Variants in THSD7A observed in about 807,000 individuals in gnomAD.
The protein encoded by THSD7A is thrombospondin type 1 domain containing 7A, also known as thrombospondin type-1 domain-containing protein 7A.
A neutral mutation model predicts 231.3 loss-of-function variants in THSD7A; 96 were observed. The ratio of observed to expected loss-of-function variants is 0.41; its 90% CI spans 0.35 to 0.49. THSD7A has a LOEUF of 0.49. THSD7A is among the 20% of genes least tolerant of loss of function. The pLI is 0.05. For synonymous variants in THSD7A, 940 were observed against 743.3 expected, an observed-to-expected ratio of 1.26 and a Z score of -4.30; for missense variants, 2,290 against 2,070.2, an observed-to-expected ratio of 1.11 and a Z score of -2.06.
chr7:11,389,322 T>A (rs1344113206), intron 23 of THSD7A, among the ~76,000 whole-genome samples: 1 of 151,808 alleles, frequency 6.6e-6, no homozygotes, highest in Non-Finnish European at 1.5e-5. Flanking sequence ...CTGTTCTTGT[T>A]ACATTGATCC....
At chr7:11,552,277 A>G (rs779082593) in intron 4 of THSD7A, among the ~76,000 whole-genome samples, 27 of 152,168 alleles carry the variant, frequency 1.8e-4, no homozygotes, top group Middle Eastern at 6.8e-3. Context: ...CCATTTACCC[A>G]TGTAACAAAC....
intron 1 of THSD7A, among the ~76,000 whole-genome samples, chr7:11,785,794 C>T (rs61577547): frequency 0.039 from 5,975 of 152,190 alleles, 143 homozygotes; most frequent in East Asian, 0.11. Context: ...TACCCTCAAT[C>T]GAGCTTCACA....
intron 2 of THSD7A, among the ~76,000 whole-genome samples, chr7:11,599,197 C>G (rs898480561): frequency 6.6e-6 from 1 of 152,144 alleles, no homozygotes; most frequent in African/African-American, 2.4e-5. Context: ...TTACCATGCC[C>G]TGTGATTAAG....
At chr7:11,605,514 A>T (rs535728162) in intron 2 of THSD7A, among the ~76,000 whole-genome samples, 3 of 152,156 alleles carry the variant, frequency 2.0e-5, no homozygotes, top group Non-Finnish European at 4.4e-5. Context: ...CCCCCGCTCC[A>T]TGCTACAAAT....
In THSD7A at chr7:11,476,079, A is replaced by G. The variant is rs377052798; in HGVS notation, c.2018-1511T>C. On this transcript the variant is annotated intron_variant, in intron 7 of 27. Transcript: ENST00000423059. Reference sequence around the variant, plus strand: ...TTAGGATCTACAATACAGGTTCAAAAAATTGGTAAAGCTAAAAGTCTAACA... The same window carrying G: ...TTAGGATCTACAATACAGGTTCAAAGAATTGGTAAAGCTAAAAGTCTAACA... Among the ~76,000 whole-genome samples the G allele has an allele frequency of 2.0e-4, 30 of 152,020 alleles. No homozygotes were observed. In the South Asian group the frequency reaches 6.2e-3, roughly 32 times the overall value.
chr7:11,583,450 A>AT (rs1171622608), intron 4 of THSD7A, among the ~76,000 whole-genome samples: 3 of 151,606 alleles, frequency 2.0e-5, no homozygotes, highest in Non-Finnish European at 4.4e-5. Flanking sequence ...CAGTTTTTAT[A>AT]TTTTTTTGGT....
intron 23 of THSD7A, among the ~76,000 whole-genome samples, chr7:11,395,261 A>C (rs1242633355): frequency 1.3e-5 from 2 of 152,236 alleles, no homozygotes; most frequent in African/African-American, 2.4e-5. Flanking sequence ...CAATGTAACA[A>C]GAACAGCTAA....
Position 11,444,931 on chromosome 7 carries a change from T to C in THSD7A, c.3064+1130A>G, listed in dbSNP as rs576747654. On this transcript the variant is annotated intron_variant, in intron 13 of 27. Coordinates refer to ENST00000423059, the MANE Select transcript of THSD7A (RefSeq NM_015204.3). The surrounding 1 kb of genome is among the most constrained non-coding windows in gnomAD (Gnocchi z 4.2). ...TATATATAATGAAACTATATATGTA[T>C]ATATAGAATGAAACTATATATATGT... Among the ~76,000 whole-genome samples, 163 of 148,146 alleles carry C rather than the reference T, an allele frequency of 1.1e-3. No individual in the cohort carries two copies. The highest frequency in any genetic ancestry group is 1.8e-3 in the Admixed American group (26 of 14,756).
chr7:11,375,574 G>A lies in THSD7A; in HGVS notation c.*220C>T. On this transcript the variant is annotated 3_prime_UTR_variant, in exon 28 of 28. Coordinates refer to ENST00000423059, the MANE Select transcript of THSD7A (RefSeq NM_015204.3). ...ACTTTCAGAATGCAGCATGTATTCA[G>A]CTAAATCTCCTATAATTCTCACGGT... 1 of 381,548 alleles carries A rather than the reference G, an allele frequency of 2.6e-6. No homozygotes were observed. The allele number at this position is 381,548 out of a possible 1,614,324, so 23.6% of individuals were successfully genotyped here.
intron 1 of THSD7A, among the ~76,000 whole-genome samples, chr7:11,800,117 A>T (rs1784235287): frequency 6.6e-6 from 1 of 152,184 alleles, no homozygotes; most frequent in South Asian, 2.1e-4. Flanking sequence ...AGAGGAGTCG[A>T]GCACTTGAGA....
chr7:11,694,470 G>A (rs1388102358), intron 1 of THSD7A, among the ~76,000 whole-genome samples: 1 of 151,502 alleles, frequency 6.6e-6, no homozygotes, highest in Admixed American at 6.6e-5. Context: ...AACTTAAACA[G>A]ATGACCAAGA....
chr7:11,752,576 T>A (rs1782537773), intron 1 of THSD7A, among the ~76,000 whole-genome samples: 1 of 152,034 alleles, frequency 6.6e-6, no homozygotes, highest in South Asian at 2.1e-4. Context: ...TTGATTATTT[T>A]ATAACATAAA....
At chr7:11,765,647 C>G (rs1003001372) in intron 1 of THSD7A, among the ~76,000 whole-genome samples, 1 of 152,096 alleles carries the variant, frequency 6.6e-6, no homozygotes, top group African/African-American at 2.4e-5. Context: ...CATTCTGTCA[C>G]TAAGTGAGAT....
intron 1 of THSD7A, among the ~76,000 whole-genome samples, chr7:11,804,392 T>C (rs948238337): frequency 6.6e-5 from 10 of 152,202 alleles, no homozygotes; most frequent in Non-Finnish European, 1.3e-4. Flanking sequence ...GATTTGCATT[T>C]TCTAGATTTG....
chr7:11,752,930 GTCAA>G (rs59311662), intron 1 of THSD7A, among the ~76,000 whole-genome samples: 146,423 of 150,834 alleles, frequency 0.97, 71,215 homozygotes, highest in Non-Finnish European at 1. Flanking sequence ...CCCTGTCTCA[GTCAA>G]TCAATCAATC....
chr7:11,602,174 C>G (rs1002776584), intron 2 of THSD7A, among the ~76,000 whole-genome samples: 1 of 151,890 alleles, frequency 6.6e-6, no homozygotes, highest in African/African-American at 2.4e-5. Context: ...ATATATTTTT[C>G]TAATAAATGT....
chr7:11,523,731 C>G (rs927979316), intron 6 of THSD7A, among the ~76,000 whole-genome samples: 11 of 151,852 alleles, frequency 7.2e-5, no homozygotes, highest in African/African-American at 2.7e-4. Flanking sequence ...TTAAAAAAAC[C>G]AGAATATACT....
chr7:11,684,475 A>G (rs188243569), intron 1 of THSD7A, among the ~76,000 whole-genome samples: 48 of 151,996 alleles, frequency 3.2e-4, no homozygotes, highest in African/African-American at 1.1e-3. Context: ...TGATTCTATA[A>G]TTAGAAAGCC....
chr7:11,685,558 A>G (rs1687556641), intron 1 of THSD7A, among the ~76,000 whole-genome samples: 1 of 151,984 alleles, frequency 6.6e-6, no homozygotes, highest in Non-Finnish European at 1.5e-5. Context: ...AAAGTAGGCA[A>G]AAGCCATAAA....
Sources: gnomAD v4.1 joint callset for allele counts (sites outside exome capture counted in the v4.1 genomes callset) on GRCh38, gnomAD v4.1.1 for gene constraint, Gnocchi (gnomAD v3.1) non-coding constraint, MANE v1.5 for transcripts, NCBI Gene and HGNC (gene_info 2026-07-23, HGNC 2026-07-21) for gene names.